GRIA1: variants seen among roughly 807,000 people sequenced by gnomAD.
GRIA1 encodes the protein glutamate ionotropic receptor AMPA type subunit 1.
GRIA1 carries 31 observed loss-of-function variants against 99.2 expected under a neutral mutation model. That is an observed-to-expected ratio of 0.31 (90% confidence interval 0.23 to 0.42). GRIA1 has a LOEUF of 0.42. Among genes scored for constraint, GRIA1 ranks in the 10% least tolerant of loss-of-function variants. GRIA1 has a pLI of 1.00. For missense variants in GRIA1, 782 were observed against 1,157.5 expected, an observed-to-expected ratio of 0.68 and a Z score of 4.71; for synonymous variants, 438 against 432.4, an observed-to-expected ratio of 1.01 and a Z score of -0.16.
chr5:153,742,804 C>T (rs1761900667), intron 11 of GRIA1, among the ~76,000 whole-genome samples: 1 of 152,228 alleles, frequency 6.6e-6, no homozygotes, highest in Non-Finnish European at 1.5e-5. Context: ...CTGCCTTCCT[C>T]TTTCAATCTT....
intron 2 of GRIA1, among the ~76,000 whole-genome samples, chr5:153,565,163 C>A (rs1264611583): frequency 2.0e-5 from 3 of 152,196 alleles, no homozygotes; most frequent in African/African-American, 7.2e-5. Flanking sequence ...ATACATTCAC[C>A]TATTTTAGTT....
At chr5:153,625,868 T>C (rs745449075) in intron 2 of GRIA1, among the ~76,000 whole-genome samples, 29 of 152,202 alleles carry the variant, frequency 1.9e-4, no homozygotes, top group Admixed American at 3.9e-4. Context: ...TCTGATTCTG[T>C]ATATGAGGAA....
rs895740318 is a variant in GRIA1, at chr5:153,812,734, T to C, written c.*1509T>C. The C allele has an allele frequency of 3.9e-5, 6 of 152,136 alleles. No homozygotes were observed. The highest frequency in any genetic ancestry group is 1.4e-4 in the African/African-American group (6 of 41,426). The allele number at this position is 152,136 out of a possible 1,614,324, so 9.4% of individuals were successfully genotyped here. Reference sequence around the variant, plus strand: ...TTTATAGAGAGAAGCCCAGGCTGAGTTCAGCTTTTGTTGGAAGTGAGAATC... The same window carrying C: ...TTTATAGAGAGAAGCCCAGGCTGAGCTCAGCTTTTGTTGGAAGTGAGAATC... On this transcript the variant is annotated 3_prime_UTR_variant, in exon 16 of 16. Coordinates refer to ENST00000285900, the MANE Select transcript of GRIA1 (RefSeq NM_000827.4).
intron 2 of GRIA1, among the ~76,000 whole-genome samples, chr5:153,634,000 G>T (rs1753163587): frequency 6.6e-6 from 1 of 152,114 alleles, no homozygotes; most frequent in Admixed American, 6.5e-5. Flanking sequence ...ATGATGGAAA[G>T]AAACAAGGTA....
At chr5:153,582,986 C>T (rs112529713) in intron 2 of GRIA1, among the ~76,000 whole-genome samples, 15,171 of 151,904 alleles carry the variant, frequency 0.1, 888 homozygotes, top group South Asian at 0.24. Flanking sequence ...TTGGTAGAGA[C>T]GGGGTTTCAT....
chr5:153,777,984 G>A (rs1401974887), intron 13 of GRIA1, among the ~76,000 whole-genome samples: 1 of 152,172 alleles, frequency 6.6e-6, no homozygotes, highest in Non-Finnish European at 1.5e-5. Flanking sequence ...TGTGACCCAG[G>A]TCGGGCCTGA....
At chr5:153,491,140 C>T in intron 1 of GRIA1, 170 bp downstream of exon 1, 1 of 979,378 alleles carries the variant, frequency 1.0e-6, no homozygotes. Flanking sequence ...GAGGGGGCTT[C>T]TCCTGATCGG....
At chr5:153,764,773 C>A in intron 12 of GRIA1, 141 bp downstream of exon 12, 2 of 625,922 alleles carry the variant, frequency 3.2e-6, no homozygotes, top group Non-Finnish European at 5.6e-6. Flanking sequence ...AAACTCAGGA[C>A]ATTTCTAAGC....
rs79085468 is a variant in GRIA1, at chr5:153,511,365, C to T, written c.220+17300C>T. 6.1e-3 allele frequency among the ~76,000 whole-genome samples: 933 copies of T among 152,202 alleles called. 6 individuals are homozygous for T. The highest frequency in any genetic ancestry group is 0.021 in the African/African-American group (892 of 41,524). On this transcript the variant is annotated intron_variant, in intron 2 of 15. Coordinates refer to ENST00000285900, the MANE Select transcript of GRIA1 (RefSeq NM_000827.4). ...ACAGATCATGCTTTTATACTTGTGG[C>T]ATGTATAGGAAATGTTGAATAAGCT...
At chr5:153,640,414 C>T (rs796799142) in intron 2 of GRIA1, among the ~76,000 whole-genome samples, 14 of 152,336 alleles carry the variant, frequency 9.2e-5, no homozygotes, top group East Asian at 5.8e-4. Flanking sequence ...TTCTCCAGCC[C>T]GGGCAAGGCC....
intron 1 of GRIA1, among the ~76,000 whole-genome samples, chr5:153,493,010 T>A (rs1174522584): frequency 6.6e-6 from 1 of 152,248 alleles, no homozygotes; most frequent in Non-Finnish European, 1.5e-5. Context: ...TAAACATCAT[T>A]ATAGTTCAGT....
intron 2 of GRIA1, among the ~76,000 whole-genome samples, chr5:153,622,166 G>A (rs1219559141): frequency 6.6e-6 from 1 of 152,190 alleles, no homozygotes; most frequent in East Asian, 1.9e-4. Context: ...AGAAATCCTG[G>A]AGGTGGAGCC....
At chr5:153,594,246 C>T (rs1397106838) in intron 2 of GRIA1, among the ~76,000 whole-genome samples, 1 of 152,148 alleles carries the variant, frequency 6.6e-6, no homozygotes, top group African/African-American at 2.4e-5. Context: ...AAGCTTTTTC[C>T]ACCTGAAGAC....
intron 2 of GRIA1, among the ~76,000 whole-genome samples, chr5:153,582,150 T>C (rs1763100456): frequency 6.6e-6 from 1 of 152,140 alleles, no homozygotes; most frequent in Non-Finnish European, 1.5e-5. Flanking sequence ...CAATGAATAT[T>C]TGTTGGAGGA....
At chr5:153,491,069 T>G in intron 1 of GRIA1, 99 bp downstream of exon 1, 1 of 1,225,186 alleles carries the variant, frequency 8.2e-7, no homozygotes, top group Non-Finnish European at 1.2e-6. Context: ...CTGACTGTTT[T>G]GCTTGGCTCC....
intron 3 of GRIA1, among the ~76,000 whole-genome samples, chr5:153,649,375 T>C (rs1192053849): frequency 6.6e-6 from 1 of 152,236 alleles, no homozygotes; most frequent in Non-Finnish European, 1.5e-5. Flanking sequence ...AGTAATGGCC[T>C]CTCTACTCAT....
chr5:153,506,890 A>G (rs917380431), intron 2 of GRIA1, among the ~76,000 whole-genome samples: 1 of 152,176 alleles, frequency 6.6e-6, no homozygotes, highest in South Asian at 2.1e-4. Context: ...TGGGAGGCCA[A>G]GGCGGGCAGA....
At chr5:153,542,302 C>T (rs1457491917) in intron 2 of GRIA1, among the ~76,000 whole-genome samples, 2 of 152,084 alleles carry the variant, frequency 1.3e-5, no homozygotes, top group African/African-American at 4.8e-5. Context: ...CTACATTCTC[C>T]ACTTTGTAGA....
At chr5:153,576,661 C>T (rs146312210) in intron 2 of GRIA1, among the ~76,000 whole-genome samples, 2 of 152,234 alleles carry the variant, frequency 1.3e-5, no homozygotes, top group East Asian at 1.9e-4. Context: ...AGGTTATCTC[C>T]AGATAATTCC....
Sources: allele counts gnomAD v4.1 joint callset (sites outside exome capture counted in the v4.1 genomes callset), GRCh38; gene constraint gnomAD v4.1.1; transcripts MANE v1.5; gene names NCBI Gene and HGNC (gene_info 2026-07-23, HGNC 2026-07-21).